KDM4B: variants seen among roughly 807,000 people sequenced by gnomAD.
KDM4B encodes the protein lysine demethylase 4B.
KDM4B carries 32 observed loss-of-function variants against 125.2 expected under a neutral mutation model. That is an observed-to-expected ratio of 0.26 (90% CI 0.19 to 0.34). The LOEUF (loss-of-function observed/expected upper bound fraction) is 0.34, where lower values mean the gene tolerates loss of function less well. Ranked by LOEUF, KDM4B falls within the 10% of genes least tolerant of loss-of-function variation. KDM4B has a pLI of 1.00. For missense variants in KDM4B, 1,190 were observed against 1,577.7 expected, an observed-to-expected ratio of 0.75 and a Z score of 4.16; for synonymous variants, 721 against 677.9, an observed-to-expected ratio of 1.06 and a Z score of -0.99.
chr19:5,000,536 C>G (rs937234903), intron 1 of KDM4B, among the ~76,000 whole-genome samples: 1 of 152,116 alleles, frequency 6.6e-6, no homozygotes, highest in Non-Finnish European at 1.5e-5. Flanking sequence ...CTTTCCCCAT[C>G]GTTATTTGTA....
At position 5,035,969 on chromosome 19, in the gene KDM4B, C is replaced by T. The variant is rs1030655256; in HGVS notation, c.141+2938C>T. 6.6e-6 allele frequency among the ~76,000 whole-genome samples: 1 copy of T among 151,998 alleles called. No individual in the cohort carries two copies. Among genetic ancestry groups the T allele is most frequent in the Non-Finnish European group, 1.5e-5 (1 of 68,014 alleles). ...AGAGAGCTTGGCAGCTGCAGAGTCA[C>T]GTTGGCACCCGCATGTGGCACACGC... On this transcript the variant is annotated intron_variant, in intron 3 of 22. Transcript: ENST00000159111. The surrounding 1 kb of genome is among the most constrained non-coding windows in gnomAD (Gnocchi z 5.3).
chr19:4,969,647 G>C (rs987783933), intron 1 of KDM4B, among the ~76,000 whole-genome samples: 2 of 151,980 alleles, frequency 1.3e-5, no homozygotes, highest in Non-Finnish European at 2.9e-5. Context: ...TTGAAAGAAA[G>C]CAAGAAAAAG....
chr19:5,110,584 G>T, intron 9 of KDM4B, 38 bp from the exon 10 acceptor site: 1 of 1,608,616 alleles, frequency 6.2e-7, no homozygotes, highest in South Asian at 1.1e-5. Flanking sequence ...AGCCGTCCAG[G>T]TGTGGCGCGA....
chr19:5,039,722 C>A (rs1343032761), intron 3 of KDM4B, 114 bp from the exon 4 acceptor site: 2 of 1,210,092 alleles, frequency 1.7e-6, no homozygotes, highest in East Asian at 2.4e-5. Context: ...GGGGGGTGTC[C>A]CGAGGTGCAG....
chr19:4,992,883 A>T (rs1325953317), intron 1 of KDM4B, among the ~76,000 whole-genome samples: 1 of 152,154 alleles, frequency 6.6e-6, no homozygotes, highest in Admixed American at 6.5e-5. Context: ...TGAATCCCCA[A>T]ATTACTTTCT....
Position 5,115,071 on chromosome 19 carries a change from G to A in KDM4B, c.1115+4253G>A, listed in dbSNP as rs1401740969. ...CAGTGGCAGCTGAGCACGTCTCCAG[G>A]CTTTGAAAAGCAGGGAAGGGTGGGC... is the stretch of plus-strand genomic sequence containing the variant. On this transcript the variant is annotated intron_variant, in intron 10 of 22. Coordinates refer to ENST00000159111, the MANE Select transcript of KDM4B (RefSeq NM_015015.3). The surrounding 1 kb of genome is among the most constrained non-coding windows in gnomAD (Gnocchi z 4.2). 6.6e-6 allele frequency among the ~76,000 whole-genome samples: 1 copy of A among 152,210 alleles called. No individual in the cohort carries two copies. Among genetic ancestry groups the A allele is most frequent in the East Asian group, 1.9e-4 (1 of 5,196 alleles).
At chr19:4,995,276 A>G (rs1019173325) in intron 1 of KDM4B, among the ~76,000 whole-genome samples, 2 of 151,932 alleles carry the variant, frequency 1.3e-5, no homozygotes, top group African/African-American at 4.8e-5. Context: ...TCCTGACACA[A>G]GACTCCAAAT....
At chr19:5,101,203 C>T (rs1599185871) in intron 9 of KDM4B, among the ~76,000 whole-genome samples, 1 of 111,172 alleles carries the variant, frequency 9.0e-6, no homozygotes, top group Admixed American at 1.2e-4. Flanking sequence ...ACCTGGGCAA[C>T]AAGAGCAAGA....
chr19:4,970,161 G>A (rs919361953), intron 1 of KDM4B, among the ~76,000 whole-genome samples: 2 of 152,196 alleles, frequency 1.3e-5, no homozygotes, highest in Admixed American at 6.5e-5. Flanking sequence ...CAGGACGGGG[G>A]ACTCTGTCCA....
chr19:5,145,138 C>T (rs907685159), intron 21 of KDM4B, among the ~76,000 whole-genome samples: 12 of 152,080 alleles, frequency 7.9e-5, no homozygotes, highest in Admixed American at 2.0e-4. Context: ...TGACATTTCC[C>T]TTTGAGACAC....
chr19:5,057,029 CGTGT>C (rs74170763), intron 6 of KDM4B, among the ~76,000 whole-genome samples: 2,718 of 144,136 alleles, frequency 0.019, 49 homozygotes, highest in South Asian at 0.039. Context: ...GATATATATG[CGTGT>C]GTGTGTGTGT....
chr19:4,974,266 G>A (rs921994848), intron 1 of KDM4B, among the ~76,000 whole-genome samples: 1 of 152,020 alleles, frequency 6.6e-6, no homozygotes, highest in Non-Finnish European at 1.5e-5. Flanking sequence ...GGGCATGGTG[G>A]TGGCCGGTGC....
chr19:5,039,778 T>C, intron 3 of KDM4B, 58 bp from the exon 4 acceptor site: 1 of 1,571,626 alleles, frequency 6.4e-7, no homozygotes, highest in South Asian at 1.2e-5. Context: ...CACAGTCTGC[T>C]CTCTGGCCCT....
intron 1 of KDM4B, among the ~76,000 whole-genome samples, chr19:4,985,345 G>A (rs1487312571): frequency 2.0e-5 from 3 of 152,138 alleles, no homozygotes; most frequent in Non-Finnish European, 4.4e-5. Flanking sequence ...AATCAGCAAT[G>A]ACAGTGAAGT....
intron 14 of KDM4B, 35 bp downstream of exon 14, chr19:5,134,096 C>T (rs2146069858): frequency 6.4e-7 from 1 of 1,554,272 alleles, no homozygotes; most frequent in Non-Finnish European, 8.7e-7. Flanking sequence ...CCAGAGAACC[C>T]CAGGCAGGGG....
intron 9 of KDM4B, among the ~76,000 whole-genome samples, chr19:5,096,569 C>T (rs1185021181): frequency 2.0e-5 from 3 of 152,214 alleles, no homozygotes; most frequent in African/African-American, 7.2e-5. Flanking sequence ...GGCATTTCTA[C>T]ACTGGAGTCG....
chr19:4,986,981 G>A (rs1382965915), intron 1 of KDM4B, among the ~76,000 whole-genome samples: 1 of 151,736 alleles, frequency 6.6e-6, no homozygotes, highest in Admixed American at 6.6e-5. Flanking sequence ...TTGTGAGACG[G>A]AGTCTTGCTC....
intron 9 of KDM4B, among the ~76,000 whole-genome samples, chr19:5,085,033 A>G (rs1381254700): frequency 1.3e-5 from 2 of 152,066 alleles, no homozygotes; most frequent in South Asian, 2.1e-4. Context: ...TCTCCTGGCT[A>G]CTGGGAAAAT....
At chr19:5,067,386 C>T (rs1029191888) in intron 6 of KDM4B, among the ~76,000 whole-genome samples, 2 of 152,196 alleles carry the variant, frequency 1.3e-5, no homozygotes, top group Admixed American at 1.3e-4. Flanking sequence ...GGCCGCAGAC[C>T]CTCCGCACCC....
Sources: gnomAD v4.1 joint callset for allele counts (sites outside exome capture counted in the v4.1 genomes callset) on GRCh38, gnomAD v4.1.1 for gene constraint, Gnocchi (gnomAD v3.1) non-coding constraint, MANE v1.5 for transcripts, NCBI Gene and HGNC (gene_info 2026-07-23, HGNC 2026-07-21) for gene names.